CTNNA2: variants seen among roughly 807,000 people sequenced by gnomAD.
CTNNA2 encodes catenin alpha 2.
Under a neutral mutation model 101.0 loss-of-function variants are expected in CTNNA2, and 42 were observed. The ratio of observed to expected loss-of-function variants is 0.42; its 90% CI spans 0.32 to 0.54. The LOEUF is 0.54. Ranked by LOEUF, CTNNA2 falls within the 20% of genes least tolerant of loss-of-function variation. The probability of loss-of-function intolerance (pLI) is 0.14; values close to 1 mark genes in which losing one functional copy is unlikely to be tolerated. For missense variants in CTNNA2, 871 were observed against 1,223.1 expected (o/e 0.71, Z 4.29); for synonymous variants, 450 against 456.4 (o/e 0.99, Z 0.18).
chr2:80,485,760 A>C (rs1686523251), intron 9 of CTNNA2, among the ~76,000 whole-genome samples: 1 of 152,244 alleles, frequency 6.6e-6, no homozygotes, highest in Admixed American at 6.5e-5. Context: ...AAAAAAGTCC[A>C]GCCAGGGCAC....
At chr2:80,538,003 T>A (rs1691195672) in intron 9 of CTNNA2, among the ~76,000 whole-genome samples, 2 of 152,240 alleles carry the variant, frequency 1.3e-5, no homozygotes, top group South Asian at 4.1e-4. Flanking sequence ...TTTTTTCATA[T>A]GTTTGTTGGC....
intron 9 of CTNNA2, among the ~76,000 whole-genome samples, chr2:80,474,840 A>C (rs1247043517): frequency 1.3e-5 from 2 of 152,206 alleles, no homozygotes; most frequent in Non-Finnish European, 2.9e-5. Flanking sequence ...AAAGCAAGGA[A>C]ATTGAATATT....
intron 7 of CTNNA2, among the ~76,000 whole-genome samples, chr2:80,103,535 A>C (rs928274661): frequency 1.3e-5 from 2 of 152,162 alleles, no homozygotes; most frequent in African/African-American, 4.8e-5. Flanking sequence ...ATCCAAGTGT[A>C]AGGCACCTGC....
intron 3 of CTNNA2, among the ~76,000 whole-genome samples, chr2:79,368,262 T>C (rs1333137754): frequency 1.3e-5 from 2 of 152,208 alleles, no homozygotes; most frequent in Admixed American, 6.5e-5. Flanking sequence ...CTAGAGCAAC[T>C]AGCACTTCCC....
chr2:80,604,162 C>G lies in CTNNA2; in HGVS notation c.2278C>G (p.Arg760Gly), dbSNP rs1313161719. 1.9e-6 allele frequency: 3 copies of G among 1,612,652 alleles called. No individual in the cohort carries two copies. The highest frequency in any genetic ancestry group is 2.5e-6 in the Non-Finnish European group (3 of 1,179,210). Residue 760 changes from arginine (R) to glycine (G), a missense_variant, in exon 16 of 19, where the codon CGT (arginine) becomes GGT (glycine). Physicochemically the swap from Arg to Gly is moderately radical, Grantham distance 125. This residue lies in a region of CTNNA2 where 93 missense variants were observed against 223.7 expected (regional missense o/e 0.42). Coordinates refer to ENST00000402739, the MANE Select transcript of CTNNA2 (RefSeq NM_001282597.3). ...EAGSRMDKLA[R>G]AVADQCPDSA... is the part of the protein sequence containing the mutation. ...AGGTTCTCGAATGGACAAATTAGCT[C>G]GTGCTGTGGCTGATCAGGTAATAGA...
intron 1 of CTNNA2, among the ~76,000 whole-genome samples, chr2:79,614,859 A>G (rs1428121726): frequency 6.6e-6 from 1 of 152,188 alleles, no homozygotes; most frequent in East Asian, 1.9e-4. Context: ...ACAACTGATA[A>G]TTGATAATGT....
intron 15 of CTNNA2, among the ~76,000 whole-genome samples, chr2:80,601,229 T>G (rs985174640): frequency 6.6e-6 from 1 of 152,058 alleles, no homozygotes; most frequent in Non-Finnish European, 1.5e-5. Flanking sequence ...GTGTACCACC[T>G]AAGTGAGCAT....
In CTNNA2 at chr2:80,547,037, A is replaced by T. The variant is rs556018742; in HGVS notation, c.1540+974A>T. Among the ~76,000 whole-genome samples the T allele has an allele frequency of 1.2e-4, 19 of 152,282 alleles. No homozygotes were observed. In the South Asian group the frequency reaches 1.5e-3, roughly 12 times the overall value. ...AGACATTGCATCACTGTTGGTGGGA[A>T]CCAGGCAGACAGGACCTCTGACTGC... On this transcript the variant is annotated intron_variant, in intron 11 of 18. Transcript: ENST00000402739.
intron 4 of CTNNA2, among the ~76,000 whole-genome samples, chr2:79,407,159 T>A (rs1343803626): frequency 6.6e-6 from 1 of 152,092 alleles, no homozygotes; most frequent in Non-Finnish European, 1.5e-5. Flanking sequence ...GGAACCATAT[T>A]GCAAATGTTG....
chr2:80,609,580 A>T (rs1698293736), intron 17 of CTNNA2, among the ~76,000 whole-genome samples: 1 of 151,724 alleles, frequency 6.6e-6, no homozygotes, highest in Admixed American at 6.6e-5. Context: ...AATTACCAAG[A>T]TTCTCTCGCC....
chr2:79,410,071 T>G (rs1168089881), intron 4 of CTNNA2, among the ~76,000 whole-genome samples: 1 of 149,278 alleles, frequency 6.7e-6, no homozygotes, highest in Non-Finnish European at 1.5e-5. Context: ...CAATTGTGAA[T>G]GGGAGTTCAC....
At position 80,094,939 on chromosome 2, in the gene CTNNA2, T is replaced by C. The variant is rs527388169; in HGVS notation, c.1056+185142T>C. 2.6e-4 allele frequency among the ~76,000 whole-genome samples: 40 copies of C among 152,340 alleles called. No individual in the cohort carries two copies. In the East Asian group the frequency reaches 7.3e-3, roughly 28 times the overall value. Reference sequence around the variant, plus strand: ...GGGGTTTTCTAGATATACAATCATGTCATCTGCAAACAGGGACCATTTGAC... The same window carrying C: ...GGGGTTTTCTAGATATACAATCATGCCATCTGCAAACAGGGACCATTTGAC... On this transcript the variant is annotated intron_variant, in intron 7 of 18. Coordinates refer to ENST00000402739, the MANE Select transcript of CTNNA2 (RefSeq NM_001282597.3).
At chr2:80,443,675 A>C (rs1682806921) in intron 9 of CTNNA2, among the ~76,000 whole-genome samples, 1 of 152,224 alleles carries the variant, frequency 6.6e-6, no homozygotes, top group African/African-American at 2.4e-5. Flanking sequence ...AGAGAATCCT[A>C]TACCTCTCAT....
At chr2:80,012,159 A>G (rs1406928781) in intron 7 of CTNNA2, among the ~76,000 whole-genome samples, 4 of 152,094 alleles carry the variant, frequency 2.6e-5, no homozygotes, top group African/African-American at 7.2e-5. Flanking sequence ...CAGGGCTCTC[A>G]TTGCCTACGA....
rs1437100728 is a variant in CTNNA2, at chr2:79,284,498, T to G, written c.-405-28211T>G. Among the ~76,000 whole-genome samples, 4 of 151,780 alleles carry G rather than the reference T, an allele frequency of 2.6e-5. No homozygotes were observed. The South Asian group carries it at 6.3e-4, about 24-fold the overall frequency. ...TTGTTGAATTTTGTCAAAGGCTTTT[T>G]CTGCATCTATTGAGATAATCATGTG... is the stretch of plus-strand genomic sequence containing the variant. On this transcript the variant is annotated intron_variant, in intron 2 of 21. Coordinates refer to the CTNNA2 transcript ENST00000466387.
intron 2 of CTNNA2, among the ~76,000 whole-genome samples, chr2:79,251,809 C>T (rs535712377): frequency 7.2e-5 from 11 of 152,256 alleles, no homozygotes; most frequent in African/African-American, 1.7e-4. Flanking sequence ...CCAGTGGACC[C>T]ACCTAAGCCA....
At chr2:80,612,631 G>A (rs1440224721) in intron 17 of CTNNA2, among the ~76,000 whole-genome samples, 1 of 151,502 alleles carries the variant, frequency 6.6e-6, no homozygotes, top group African/African-American at 2.4e-5. Context: ...TATTTGAAGA[G>A]CGTTGTGTTC....
At chr2:80,611,323 T>G in intron 17 of CTNNA2, among the ~76,000 whole-genome samples, 1 of 149,046 alleles carries the variant, frequency 6.7e-6, no homozygotes. Context: ...GAGGGGAGGG[T>G]AGAAGAGAAG....
intron 2 of CTNNA2, among the ~76,000 whole-genome samples, chr2:79,218,348 TG>T (rs1558577176): frequency 1.7e-4 from 12 of 72,320 alleles, no homozygotes; most frequent in Non-Finnish European, 2.8e-4. Context: ...TGTGTGTGTG[TG>T]TATTTTTTTT....
Sources: gnomAD v4.1 joint callset for allele counts (sites outside exome capture counted in the v4.1 genomes callset) on GRCh38, gnomAD v4.1.1 for gene constraint, gnomAD v4.1.1 regional missense constraint, MANE v1.5 for transcripts, NCBI Gene and HGNC (gene_info 2026-07-23, HGNC 2026-07-21) for gene names.